The following TIAM2 variants were observed in gnomAD, a reference collection of about 807,000 sequenced individuals.
TIAM2 encodes the protein TIAM Rac1 associated GEF 2, also known as rho guanine nucleotide exchange factor TIAM2.
A neutral mutation model predicts 152.9 loss-of-function variants in TIAM2; 80 were observed. The ratio of observed to expected loss-of-function variants is 0.52; its 90% CI spans 0.44 to 0.63. The LOEUF (loss-of-function observed/expected upper bound fraction) is 0.63. Ranked by LOEUF, TIAM2 falls within the 30% of genes least tolerant of loss-of-function variation. The probability of loss-of-function intolerance (pLI) is 0.00; values close to 1 mark genes in which losing one functional copy is unlikely to be tolerated. For missense variants in TIAM2, 1,965 were observed against 2,120.1 expected (o/e 0.93, Z 1.44); for synonymous variants, 804 against 838.0 (o/e 0.96, Z 0.70).
At position 155,164,256 on chromosome 6, in the gene TIAM2, G is replaced by A. The variant is rs567262668; in HGVS notation, c.2029-159G>A. 4.0e-5 allele frequency among the ~76,000 whole-genome samples: 6 copies of A among 150,570 alleles called. No homozygotes were observed. The East Asian group carries it at 1.2e-3, about 30-fold the overall frequency. ...TCCAAAGGACCCAATGCATTTTGAT[G>A]GGAGGGATTGAGATGGGGTGAGCAG... On this transcript the variant is annotated intron_variant, in intron 7 of 26. Transcript: ENST00000682666.
At chr6:155,041,463 A>T (rs186357602) in intron 1 of TIAM2, among the ~76,000 whole-genome samples, 1 of 152,256 alleles carries the variant, frequency 6.6e-6, no homozygotes, top group South Asian at 2.1e-4. Context: ...ACTCACTCCA[A>T]AGAAAAAGAG....
intron 15 of TIAM2, among the ~76,000 whole-genome samples, chr6:155,231,739 C>T (rs1028209366): frequency 2.6e-5 from 4 of 152,208 alleles, no homozygotes; most frequent in African/African-American, 9.6e-5. Flanking sequence ...GCCCCTTGTT[C>T]CCACTGTGCA....
chr6:155,015,944 CAA>C (rs3081689), intron 1 of TIAM2, among the ~76,000 whole-genome samples: 7,996 of 60,872 alleles, frequency 0.13, 268 homozygotes, highest in Non-Finnish European at 0.17. Context: ...TTCAAAAAAC[CAA>C]AAAAAAAAAA....
At chr6:155,171,542 A>G (rs1239050590) in intron 9 of TIAM2, among the ~76,000 whole-genome samples, 3 of 151,942 alleles carry the variant, frequency 2.0e-5, no homozygotes, top group Non-Finnish European at 2.9e-5. Context: ...CTTAGTCATG[A>G]GCTGTAAACT....
chr6:155,160,490 T>C (rs9322501), intron 7 of TIAM2, among the ~76,000 whole-genome samples: 70,934 of 152,038 alleles, frequency 0.47, 17,028 homozygotes, highest in East Asian at 0.55. Context: ...AAATACCTGG[T>C]CACCCCGTGG....
At chr6:155,179,738 T>C (rs1399243917) in intron 12 of TIAM2, among the ~76,000 whole-genome samples, 1 of 152,226 alleles carries the variant, frequency 6.6e-6, no homozygotes, top group Admixed American at 6.5e-5. Flanking sequence ...ATGAATGTAC[T>C]GTGTGCTGGT....
chr6:155,066,469 G>A (rs1483933907), intron 1 of TIAM2, among the ~76,000 whole-genome samples: 1 of 152,232 alleles, frequency 6.6e-6, no homozygotes, highest in Non-Finnish European at 1.5e-5. Flanking sequence ...TCTAGCATGT[G>A]GAGGTTATGT....
chr6:155,208,896 C>T (rs1052483473), intron 14 of TIAM2, among the ~76,000 whole-genome samples: 1 of 152,068 alleles, frequency 6.6e-6, no homozygotes, highest in African/African-American at 2.4e-5. Flanking sequence ...CCACACTCGG[C>T]AAGTTCCCTG....
chr6:155,028,971 A>G, intron 1 of TIAM2, among the ~76,000 whole-genome samples: 1 of 115,576 alleles, frequency 8.7e-6, no homozygotes, highest in Non-Finnish European at 1.7e-5. Flanking sequence ...TATGTACTAT[A>G]TATACTATGT....
chr6:155,109,022 C>A (rs897174928), intron 2 of TIAM2, among the ~76,000 whole-genome samples: 1 of 152,078 alleles, frequency 6.6e-6, no homozygotes, highest in African/African-American at 2.4e-5. Context: ...CTCACTCTGT[C>A]GCCCAGGCTG....
At chr6:155,123,757 C>G (rs979730961) in intron 2 of TIAM2, among the ~76,000 whole-genome samples, 1 of 152,012 alleles carries the variant, frequency 6.6e-6, no homozygotes, top group South Asian at 2.1e-4. Flanking sequence ...TGCTGCAGCT[C>G]GGGAGGGCTG....
At chr6:155,165,190 C>G in intron 8 of TIAM2, 73 bp from the exon 9 acceptor site, 1 of 1,469,822 alleles carries the variant, frequency 6.8e-7, no homozygotes, top group Non-Finnish European at 9.1e-7. Context: ...GCAAGCAGAG[C>G]TCACTTCCTT....
intron 15 of TIAM2, among the ~76,000 whole-genome samples, chr6:155,231,388 A>G (rs1364110181): frequency 1.3e-5 from 2 of 152,182 alleles, no homozygotes; most frequent in African/African-American, 4.8e-5. Flanking sequence ...TCCTTTTTGT[A>G]CCATTTTGAT....
chr6:155,257,675 ATATT>A lies in TIAM2; in HGVS notation c.*560_*563del. The A allele has an allele frequency of 2.7e-6, 2 of 741,226 alleles. No individual in the cohort carries two copies. The highest frequency in any genetic ancestry group is 3.6e-5 in the South Asian group (2 of 56,212). 45.9% of individuals were successfully genotyped at this position (741,226 alleles called of 1,614,324 possible). A position where few individuals can be genotyped will look rare whatever the true frequency, so the allele number is the denominator to read the frequency against. On this transcript the variant is annotated 3_prime_UTR_variant, in exon 27 of 27. Transcript: ENST00000682666. The stretch of plus-strand genomic sequence containing the variant: ...AGCTTGTACTGTATCTTATTTGATG[ATATT>A]TATTTTCTCTGCCAAGCTGTATAGT...
At chr6:155,017,738 C>T (rs1778620005) in intron 1 of TIAM2, among the ~76,000 whole-genome samples, 1 of 152,030 alleles carries the variant, frequency 6.6e-6, no homozygotes, top group Non-Finnish European at 1.5e-5. Flanking sequence ...CTCCTGACCT[C>T]ATGATCCACC....
rs1002990108 is a variant in TIAM2, at chr6:154,997,189, C to A, written c.-209+1697C>A. Among the ~76,000 whole-genome samples, 5 of 152,300 alleles carry A rather than the reference C, an allele frequency of 3.3e-5. No individual in the cohort carries two copies. In the East Asian group the frequency reaches 9.6e-4, roughly 29 times the overall value. ...AAATTCTGCTTACACTGTTCTTACT[C>A]CTCTTGCCCATCTGTCAATTACCCA... is the stretch of plus-strand genomic sequence containing the variant. On this transcript the variant is annotated intron_variant, in intron 1 of 26. Transcript: ENST00000682666.
chr6:155,217,139 A>G, intron 15 of TIAM2: 1 of 1,288,292 alleles, frequency 7.8e-7, no homozygotes, highest in South Asian at 1.2e-5. Context: ...TTTGATCCAA[A>G]TGTAGGCATG....
chr6:155,189,728 A>T (rs1027538489), intron 14 of TIAM2, among the ~76,000 whole-genome samples: 1 of 149,618 alleles, frequency 6.7e-6, no homozygotes, highest in Non-Finnish European at 1.5e-5. Flanking sequence ...GGCTCCAAAG[A>T]AAAAAAAAAT....
intron 1 of TIAM2, among the ~76,000 whole-genome samples, chr6:155,073,367 T>C (rs1308662886): frequency 6.6e-6 from 1 of 152,060 alleles, no homozygotes. Context: ...TTCACCATGT[T>C]GGCCAGGCTG....
Sources: gnomAD v4.1 joint callset for allele counts (sites outside exome capture counted in the v4.1 genomes callset) on GRCh38, gnomAD v4.1.1 for gene constraint, MANE v1.5 for transcripts, NCBI Gene and HGNC (gene_info 2026-07-23, HGNC 2026-07-21) for gene names.